Variants in SEMA4D observed in about 807,000 individuals in gnomAD.
SEMA4D encodes the protein semaphorin 4D.
SEMA4D carries 22 observed loss-of-function variants against 74.8 expected under a neutral mutation model. That is an observed-to-expected ratio of 0.29 (90% CI 0.21 to 0.42). The LOEUF (loss-of-function observed/expected upper bound fraction) is 0.42, where lower values mean the gene tolerates loss of function less well. SEMA4D is among the 10% of genes least tolerant of loss of function. SEMA4D has a pLI of 1.00. For synonymous variants in SEMA4D, 445 were observed against 463.7 expected, an observed-to-expected ratio of 0.96 and a Z score of 0.52; for missense variants, 937 against 1,118.4, an observed-to-expected ratio of 0.84 and a Z score of 2.31.
At chr9:89,389,212 G>A (rs1459264706) in intron 9 of SEMA4D, among the ~76,000 whole-genome samples, 165 bp from the exon 10 acceptor site, 1 of 152,170 alleles carries the variant, frequency 6.6e-6, no homozygotes, top group Non-Finnish European at 1.5e-5. Context: ...TGAGTGGCCC[G>A]CAGCACCACG....
chr9:89,380,342 T>C (rs868378011), intron 15 of SEMA4D, among the ~76,000 whole-genome samples: 1 of 152,060 alleles, frequency 6.6e-6, no homozygotes, highest in African/African-American at 2.4e-5. Flanking sequence ...CAGCTTTTGT[T>C]TTCTTTTTAG....
intron 3 of SEMA4D, 74 bp from the exon 4 acceptor site, chr9:89,403,090 T>A (rs1564639812): frequency 1.3e-6 from 2 of 1,525,470 alleles, no homozygotes; most frequent in Non-Finnish European, 1.8e-6. Flanking sequence ...CCTGAGCACA[T>A]CCTAGGTCCC....
rs930431764 is a variant in SEMA4D, at chr9:89,385,375, C to T, written c.1446+992G>A. 58 of 985,274 alleles carry T rather than the reference C, an allele frequency of 5.9e-5. No homozygotes were observed. The African/African-American group carries it at 8.9e-4, about 15-fold the overall frequency. The allele number at this position is 985,274 out of a possible 1,614,324, so 61.0% of individuals were successfully genotyped here. A position where few individuals can be genotyped will look rare whatever the true frequency, so the allele number is the denominator to read the frequency against. ...GTCTGGCTGAGGCCACTGAACAGCA[C>T]GATGGCCCCAGAAGAGCTTCTGGGT... On this transcript the variant is annotated intron_variant, in intron 13 of 15. Coordinates refer to ENST00000422704, the MANE Select transcript of SEMA4D (RefSeq NM_001371194.2).
At chr9:89,388,489 T>A (rs1839059285) in intron 11 of SEMA4D, 147 bp downstream of exon 11, 1 of 866,432 alleles carries the variant, frequency 1.2e-6, no homozygotes, top group Admixed American at 3.4e-5. Context: ...AAGGATGAGC[T>A]GTGCTCATCG....
At chr9:89,457,907 C>T (rs1046959962) in intron 1 of SEMA4D, among the ~76,000 whole-genome samples, 5 of 152,124 alleles carry the variant, frequency 3.3e-5, no homozygotes, top group Non-Finnish European at 7.4e-5. Context: ...GTGGTACACG[C>T]CTGTAGTCCC....
At chr9:89,462,372 G>A (rs1351715646) in intron 1 of SEMA4D, among the ~76,000 whole-genome samples, 1 of 152,206 alleles carries the variant, frequency 6.6e-6, no homozygotes, top group Non-Finnish European at 1.5e-5. Flanking sequence ...CATAAGGCTA[G>A]CTTCTACAGA....
intron 16 of SEMA4D, among the ~76,000 whole-genome samples, chr9:89,370,293 ATG>A (rs1834357019): frequency 1.4e-5 from 2 of 147,148 alleles, no homozygotes; most frequent in African/African-American, 2.6e-5. Flanking sequence ...TGTGTTTGTG[ATG>A]TGTGTGCGTG....
chr9:89,404,202 T>C (rs540049674), intron 3 of SEMA4D, among the ~76,000 whole-genome samples: 3 of 152,366 alleles, frequency 2.0e-5, no homozygotes, highest in South Asian at 4.1e-4. Flanking sequence ...GTAGCTGGCA[T>C]GAGGCTCAGC....
intron 1 of SEMA4D, among the ~76,000 whole-genome samples, chr9:89,476,545 G>A (rs1861795593): frequency 6.6e-6 from 1 of 152,178 alleles, no homozygotes; most frequent in Non-Finnish European, 1.5e-5. Context: ...CTCCCCCAAG[G>A]AGAAGAGCAG....
chr9:89,439,850 G>C (rs1303392323), intron 2 of SEMA4D, among the ~76,000 whole-genome samples: 1 of 152,218 alleles, frequency 6.6e-6, no homozygotes, highest in Non-Finnish European at 1.5e-5. Context: ...AATTTTAGCT[G>C]AATGGAAACC....
chr9:89,427,833 C>T (rs528835931), intron 2 of SEMA4D, among the ~76,000 whole-genome samples: 6 of 152,322 alleles, frequency 3.9e-5, no homozygotes, highest in African/African-American at 1.2e-4. Flanking sequence ...GCGGGTCACA[C>T]GTGGGGAGGA....
At chr9:89,397,032 C>T (rs1266842600) in intron 5 of SEMA4D, among the ~76,000 whole-genome samples, 197 bp from the exon 6 acceptor site, 1 of 152,222 alleles carries the variant, frequency 6.6e-6, no homozygotes, top group African/African-American at 2.4e-5. Flanking sequence ...CTCCTCTTCA[C>T]ACACTGGCCT....
chr9:89,479,124 T>C (rs562098238), intron 1 of SEMA4D, among the ~76,000 whole-genome samples: 20 of 152,298 alleles, frequency 1.3e-4, no homozygotes, highest in African/African-American at 4.8e-4. Context: ...CCTCACAGCA[T>C]GGCTGCCAAA....
intron 1 of SEMA4D, among the ~76,000 whole-genome samples, chr9:89,461,700 C>CTCTTTT (rs71281350): frequency 2.1e-3 from 215 of 103,640 alleles, no homozygotes; most frequent in Non-Finnish European, 3.3e-3. Context: ...TCTTTTTTCT[C>CTCTTTT]TTTTTTTTTT....
At chr9:89,451,326 C>CCTT (rs1279493943) in intron 2 of SEMA4D, among the ~76,000 whole-genome samples, 7 of 152,266 alleles carry the variant, frequency 4.6e-5, no homozygotes, top group Admixed American at 2.0e-4. Context: ...GGAGCTGGAG[C>CCTT]CTTCACTTAT....
At chr9:89,388,815 G>A (rs757700459) in intron 10 of SEMA4D, 23 bp from the exon 11 acceptor site, 10 of 1,605,504 alleles carry the variant, frequency 6.2e-6, no homozygotes, top group Middle Eastern at 1.7e-4. Context: ...AAGAGGTGAC[G>A]GGACCACCTG....
intron 2 of SEMA4D, chr9:89,406,035 A>G (rs939055468): frequency 1.4e-6 from 1 of 693,742 alleles, no homozygotes; most frequent in African/African-American, 1.9e-5. Flanking sequence ...TGCTGTGTCC[A>G]GCTGGTAATG....
intron 2 of SEMA4D, among the ~76,000 whole-genome samples, chr9:89,442,135 CT>C (rs1851795798): frequency 7.6e-6 from 1 of 131,476 alleles, no homozygotes; most frequent in Non-Finnish European, 1.6e-5. Flanking sequence ...GTTTCCTTCC[CT>C]TTTCCCCTGG....
Position 89,381,228 on chromosome 9 carries a change from C to T in SEMA4D, c.1565G>A (p.Trp522Ter), listed in dbSNP as rs1396254759. ...CACGCAGGTCGCTGTGGGCGGGCTC[C>T]AGGCGCAGTAGGGGTCCCGCGCCAG... is the stretch of plus-strand genomic sequence containing the variant. ...CVLARDPYCA[W>*]SPPTATCVAL... The change falls in exon 14 of 16, where the codon TGG becomes TAG. Residue 522 changes from tryptophan (W) to a stop codon, truncating the protein, a stop_gained. Transcript: ENST00000422704. LOFTEE classifies it high-confidence loss of function. The surrounding 1 kb of genome is among the most constrained non-coding windows in gnomAD (Gnocchi z 4.6). The T allele has an allele frequency of 6.2e-7, 1 of 1,607,468 alleles. No individual in the cohort carries two copies.
Sources: allele counts gnomAD v4.1 joint callset (sites outside exome capture counted in the v4.1 genomes callset), GRCh38; gene constraint gnomAD v4.1.1; non-coding constraint Gnocchi (gnomAD v3.1); transcripts MANE v1.5; gene names NCBI Gene and HGNC (gene_info 2026-07-23, HGNC 2026-07-21).